NTRK3: variants seen among roughly 807,000 people sequenced by gnomAD.
The protein encoded by NTRK3 is neurotrophic receptor tyrosine kinase 3.
A neutral mutation model predicts 91.7 loss-of-function variants in NTRK3; 24 were observed. The ratio of observed to expected loss-of-function variants is 0.26; its 90% CI spans 0.19 to 0.37. The LOEUF is 0.37. Ranked by LOEUF, NTRK3 falls within the 10% of genes least tolerant of loss-of-function variation. The probability of loss-of-function intolerance (pLI) is 1.00; values close to 1 mark genes in which losing one functional copy is unlikely to be tolerated. For missense variants in NTRK3, 880 were observed against 1,068.9 expected, an observed-to-expected ratio of 0.82 and a Z score of 2.46; for synonymous variants, 483 against 404.0, an observed-to-expected ratio of 1.20 and a Z score of -2.34.
At chr15:88,136,417 G>T in intron 8 of NTRK3, 50 bp downstream of exon 8, 2 of 1,612,900 alleles carry the variant, frequency 1.2e-6, no homozygotes, top group Non-Finnish European at 1.7e-6. Context: ...CAAGACTACA[G>T]TGTGATCACT....
intron 3 of NTRK3, among the ~76,000 whole-genome samples, chr15:88,199,601 C>T (rs1254615759): frequency 1.3e-5 from 2 of 152,228 alleles, no homozygotes; most frequent in Non-Finnish European, 2.9e-5. Flanking sequence ...CAGGGGAATG[C>T]AACAAAGACT....
At chr15:87,927,053 CT>C (rs1452585834) in intron 17 of NTRK3, 1 of 152,226 alleles carries the variant, frequency 6.6e-6, no homozygotes, top group Non-Finnish European at 1.5e-5. Flanking sequence ...GGTCTAGACA[CT>C]AAAGAAAGAC....
At chr15:88,158,336 G>A (rs1337866227) in intron 5 of NTRK3, among the ~76,000 whole-genome samples, 2 of 152,204 alleles carry the variant, frequency 1.3e-5, no homozygotes, top group East Asian at 3.9e-4. Flanking sequence ...ATTGTATTCA[G>A]TAAAGTCTGA....
chr15:87,923,111 A>G (rs1271103006), intron 17 of NTRK3, among the ~76,000 whole-genome samples: 2 of 152,208 alleles, frequency 1.3e-5, no homozygotes, highest in East Asian at 3.8e-4. Flanking sequence ...AAATCAGTGG[A>G]TATGGGATGA....
chr15:88,154,019 A>G (rs1043947119), intron 5 of NTRK3, among the ~76,000 whole-genome samples: 1 of 151,828 alleles, frequency 6.6e-6, no homozygotes, highest in African/African-American at 2.4e-5. Context: ...AAGAATCTGC[A>G]AGAAAAGAGT....
At chr15:87,971,932 G>T (rs1414601401) in intron 14 of NTRK3, among the ~76,000 whole-genome samples, 1 of 152,170 alleles carries the variant, frequency 6.6e-6, no homozygotes, top group East Asian at 1.9e-4. Flanking sequence ...ACCACAATGT[G>T]ATTTTTAAAC....
chr15:87,864,840 C>G (rs1159844736), exon 19 of NTRK3: 1 of 228,934 alleles, frequency 4.4e-6, no homozygotes, highest in Non-Finnish European at 8.7e-6. Context: ...TGCAACTGCC[C>G]AGAGAGTGGG....
intron 13 of NTRK3, among the ~76,000 whole-genome samples, chr15:88,089,767 T>G (rs533849548): frequency 6.6e-6 from 1 of 152,318 alleles, no homozygotes; most frequent in African/African-American, 2.4e-5. Context: ...TGGCCCCCTG[T>G]GGCTCATTTC....
intron 17 of NTRK3, among the ~76,000 whole-genome samples, chr15:87,914,298 C>A (rs978063722): frequency 6.6e-5 from 10 of 152,186 alleles, no homozygotes; most frequent in Non-Finnish European, 1.5e-4. Flanking sequence ...TATTGTGAGA[C>A]CTTCTCCAGT....
At chr15:88,041,420 C>G (rs1281169561) in intron 13 of NTRK3, among the ~76,000 whole-genome samples, 3 of 152,172 alleles carry the variant, frequency 2.0e-5, no homozygotes, top group Middle Eastern at 3.2e-3. Context: ...CTCACTAGGA[C>G]TGCAGTTTTG....
chr15:88,256,509 G>T, intron 1 of NTRK3, 23 bp from the exon 2 acceptor site: 1 of 502,132 alleles, frequency 2.0e-6, no homozygotes, highest in South Asian at 3.6e-5. Flanking sequence ...GCAACAGACG[G>T]TGGGGAGGCA....
intron 14 of NTRK3, among the ~76,000 whole-genome samples, chr15:88,002,645 AGTTTTT>A (rs2076196242): frequency 6.6e-6 from 1 of 150,396 alleles, no homozygotes; most frequent in Non-Finnish European, 1.5e-5. Flanking sequence ...AAAAAGAGAC[AGTTTTT>A]TAAAAACTAA....
At chr15:88,061,699 A>G (rs1205138761) in intron 13 of NTRK3, among the ~76,000 whole-genome samples, 2 of 152,214 alleles carry the variant, frequency 1.3e-5, no homozygotes, top group Non-Finnish European at 2.9e-5. Flanking sequence ...GCCAGAGCAG[A>G]CGTCAGAGAG....
intron 14 of NTRK3, among the ~76,000 whole-genome samples, chr15:87,991,281 G>T (rs1410771595): frequency 1.3e-5 from 2 of 152,118 alleles, no homozygotes; most frequent in East Asian, 1.9e-4. Flanking sequence ...ACAGCAACAG[G>T]ATCACCAGGA....
In NTRK3 at chr15:88,136,178, G is replaced by C. The variant is rs755742390; in HGVS notation, c.766-138C>G. On this transcript the variant is annotated intron_variant, in intron 8 of 18. Coordinates refer to ENST00000394480, the Ensembl canonical transcript of NTRK3. ...GAGATCTTTGTGTGAAAGCACACTG[G>C]CCAAATGCCAGGCTCCTCATAGGCA... 6.3e-5 allele frequency: 71 copies of C among 1,132,832 alleles called. 1 individual carries two copies. Among genetic ancestry groups the C allele is most frequent in the Admixed American group, 4.7e-4 (26 of 55,612 alleles). The allele number at this position is 1,132,832 out of a possible 1,614,324, so 70.2% of individuals were successfully genotyped here.
At chr15:88,134,266 G>A (rs1597499991) in intron 10 of NTRK3, among the ~76,000 whole-genome samples, 1 of 152,176 alleles carries the variant, frequency 6.6e-6, no homozygotes, top group Non-Finnish European at 1.5e-5. Flanking sequence ...CCCACAAAAA[G>A]ATGCTACAAT....
At chr15:87,934,081 T>C (rs1312557137) in intron 15 of NTRK3, among the ~76,000 whole-genome samples, 1 of 152,186 alleles carries the variant, frequency 6.6e-6, no homozygotes, top group Non-Finnish European at 1.5e-5. Flanking sequence ...AGGCCAAAGA[T>C]GAAGCCTTTG....
intron 17 of NTRK3, among the ~76,000 whole-genome samples, chr15:87,888,753 C>A (rs982952422): frequency 5.3e-5 from 8 of 151,774 alleles, no homozygotes; most frequent in African/African-American, 1.7e-4. Context: ...AGAACATACT[C>A]ATACTAAAAA....
In NTRK3 at chr15:88,120,837, C is replaced by T. The variant is rs527770934; in HGVS notation, c.1396+5434G>A. Among the ~76,000 whole-genome samples, 3 of 152,352 alleles carry T rather than the reference C, an allele frequency of 2.0e-5. No homozygotes were observed. In the South Asian group the frequency reaches 6.2e-4, roughly 32 times the overall value. On this transcript the variant is annotated intron_variant, in intron 13 of 18. Coordinates refer to ENST00000394480, the Ensembl canonical transcript of NTRK3. ...AGTCAAGTATGTGGAAAAGCAGGGC[C>T]AGAAGGCTCTCGCTAGCTGTGTGCT...
Sources: gnomAD v4.1 joint callset for allele counts (sites outside exome capture counted in the v4.1 genomes callset) on GRCh38, gnomAD v4.1.1 for gene constraint, MANE v1.5 for transcripts, NCBI Gene and HGNC (gene_info 2026-07-23, HGNC 2026-07-21) for gene names.